The following TLL2 variants were observed in gnomAD, a reference collection of about 807,000 sequenced individuals.
TLL2 encodes tolloid like 2, also known as tolloid-like protein 2.
TLL2 carries 106 observed loss-of-function variants against 123.0 expected under a neutral mutation model. The observed-to-expected ratio is 0.86, with a 90% CI of 0.74 to 1.01. TLL2 has a LOEUF of 1.01. Among genes scored for constraint, TLL2 ranks in the 50% least tolerant of loss-of-function variants. The probability of loss-of-function intolerance (pLI) is 0.00; values close to 1 mark genes in which losing one functional copy is unlikely to be tolerated. For missense variants in TLL2, 1,332 were observed against 1,336.7 expected (o/e 1.00, Z 0.06); for synonymous variants, 494 against 516.8 (o/e 0.96, Z 0.60).
At chr10:96,411,561 G>T (rs1009844377) in intron 8 of TLL2, among the ~76,000 whole-genome samples, 1 of 152,162 alleles carries the variant, frequency 6.6e-6, no homozygotes, top group African/African-American at 2.4e-5. Context: ...ACAAATGAAG[G>T]GTACCTGTAT....
At chr10:96,489,816 G>A (rs996035571) in intron 1 of TLL2, among the ~76,000 whole-genome samples, 3 of 152,096 alleles carry the variant, frequency 2.0e-5, no homozygotes, top group Non-Finnish European at 1.5e-5. Flanking sequence ...ACATATCTCA[G>A]CCGGGTGCAG....
Position 96,422,667 on chromosome 10 carries a change from G to A in TLL2, c.699C>T (p.Asn233=), listed in dbSNP as rs1418398702. ...GAGCCACAATGCCAAACTTGTCACA[G>A]TTCTTCCCAATGGATATGGCCTGTG... ...GGPQAISIGK[N]CDKFGIVAHE... The change falls in exon 6 of 21, where the codon AAC becomes AAT. Residue 233 remains asparagine, a synonymous_variant. Coordinates refer to ENST00000357947, the MANE Select transcript of TLL2 (RefSeq NM_012465.4). 6.2e-7 allele frequency: 1 copy of A among 1,614,120 alleles called. No individual in the cohort carries two copies. Among genetic ancestry groups the A allele is most frequent in the East Asian group, 2.2e-5 (1 of 44,896 alleles).
chr10:96,416,395 CT>C (rs1332381031), intron 7 of TLL2, among the ~76,000 whole-genome samples: 1 of 151,100 alleles, frequency 6.6e-6, no homozygotes, highest in African/African-American at 2.5e-5. Flanking sequence ...GGGCACTTTC[CT>C]TGCACCAACT....
intron 3 of TLL2, among the ~76,000 whole-genome samples, chr10:96,443,651 CATAA>C (rs1488346899): frequency 6.6e-6 from 1 of 152,172 alleles, no homozygotes; most frequent in African/African-American, 2.4e-5. Context: ...CAATAAATCA[CATAA>C]ATAAGGAAGA....
At chr10:96,464,622 A>G (rs964064590) in intron 2 of TLL2, among the ~76,000 whole-genome samples, 1 of 152,184 alleles carries the variant, frequency 6.6e-6, no homozygotes, top group Non-Finnish European at 1.5e-5. Flanking sequence ...CCCTGGAGGC[A>G]GAAATGGTAT....
intron 7 of TLL2, 104 bp from the exon 8 acceptor site, chr10:96,413,420 C>A: frequency 7.0e-7 from 1 of 1,420,958 alleles, no homozygotes; most frequent in South Asian, 1.4e-5. Flanking sequence ...CATCAACATT[C>A]CTGCCCCCTG....
At chr10:96,385,947 G>T (rs1290099705) in intron 15 of TLL2, 108 bp downstream of exon 15, 1 of 1,227,914 alleles carries the variant, frequency 8.1e-7, no homozygotes, top group Non-Finnish European at 1.1e-6. Context: ...ACTGTCCAAA[G>T]CTTCAGTCAA....
chr10:96,472,424 C>T (rs1331216234), intron 2 of TLL2, among the ~76,000 whole-genome samples: 1 of 152,180 alleles, frequency 6.6e-6, no homozygotes, highest in Non-Finnish European at 1.5e-5. Flanking sequence ...TGCACAGGGG[C>T]AGAGGCTGAA....
chr10:96,461,166 A>G (rs1011482327), intron 2 of TLL2, among the ~76,000 whole-genome samples: 3 of 152,234 alleles, frequency 2.0e-5, no homozygotes, highest in East Asian at 3.8e-4. Context: ...AATCATGAAG[A>G]GTCTGGTGGA....
At chr10:96,513,178 G>A (rs1847648529) in intron 1 of TLL2, among the ~76,000 whole-genome samples, 1 of 152,178 alleles carries the variant, frequency 6.6e-6, no homozygotes, top group South Asian at 2.1e-4. Flanking sequence ...GGAGCGTCTG[G>A]CGGTGGCCAG....
At chr10:96,383,070 G>A (rs1846200388) in intron 16 of TLL2, among the ~76,000 whole-genome samples, 1 of 151,376 alleles carries the variant, frequency 6.6e-6, no homozygotes, top group African/African-American at 2.4e-5. Flanking sequence ...TGATGGTGTG[G>A]GGGAACAGTG....
At chr10:96,405,452 G>A (rs1846440758) in intron 9 of TLL2, 118 bp from the exon 10 acceptor site, 7 of 859,424 alleles carry the variant, frequency 8.1e-6, no homozygotes, top group East Asian at 2.5e-5. Flanking sequence ...TTCAGACCAC[G>A]GTAGGAGTGT....
At chr10:96,379,608 G>A (rs1227623092) in intron 16 of TLL2, among the ~76,000 whole-genome samples, 1 of 152,114 alleles carries the variant, frequency 6.6e-6, no homozygotes, top group African/African-American at 2.4e-5. Flanking sequence ...GATCACCTGA[G>A]GTTGGGAGTT....
chr10:96,493,659 G>C lies in TLL2; in HGVS notation c.176-13200C>G, dbSNP rs117509296. Among the ~76,000 whole-genome samples the C allele has an allele frequency of 2.9e-3, 436 of 152,218 alleles. 2 individuals carry two copies. The highest frequency in any genetic ancestry group is 5.4e-3 in the South Asian group (26 of 4,818). ...AGGCTGTTAGAGCACCCAGGGTGGA[G>C]AGGGTAATCAGGAGTCCCTCATTCT... On this transcript the variant is annotated intron_variant, in intron 1 of 20. Transcript: ENST00000357947.
At chr10:96,476,239 TA>T (rs71034378) in intron 2 of TLL2, among the ~76,000 whole-genome samples, 12,925 of 40,244 alleles carry the variant, frequency 0.32, 2,192 homozygotes, top group South Asian at 0.46. Context: ...TATATATATA[TA>T]TTTTATTTTT....
At position 96,368,207 on chromosome 10, in the gene TLL2, A is replaced by G; in HGVS notation, c.2929T>C (p.Tyr977His). The change falls in exon 21 of 21, where the codon TAC becomes CAC. Residue 977 changes from tyrosine to histidine, a missense_variant. Coordinates refer to ENST00000357947, the MANE Select transcript of TLL2 (RefSeq NM_012465.4). ...ATCATCAGGGAATCACCTGCAGAGT[A>G]GATTTCTTCTAATGGCTGAGGAAAG... ...FCGSGPLEEIYSAGDSLMIRF... is the reference protein window; with the variant it reads ...FCGSGPLEEIHSAGDSLMIRF... 1 of 1,614,148 alleles carries G rather than the reference A, an allele frequency of 6.2e-7. No individual in the cohort carries two copies. Among genetic ancestry groups the G allele is most frequent in the Non-Finnish European group, 8.5e-7 (1 of 1,180,030 alleles).
chr10:96,407,808 A>AGT (rs1846464986), intron 9 of TLL2, among the ~76,000 whole-genome samples: 1 of 152,242 alleles, frequency 6.6e-6, no homozygotes. Context: ...TCTGTCATTG[A>AGT]GTGTGTGTGC....
At chr10:96,496,796 C>G (rs2134112176) in intron 1 of TLL2, among the ~76,000 whole-genome samples, 1 of 152,284 alleles carries the variant, frequency 6.6e-6, no homozygotes, top group East Asian at 1.9e-4. Flanking sequence ...TTTTACAGCT[C>G]CAAATAGGTT....
chr10:96,490,695 A>G (rs1847404090), intron 1 of TLL2, among the ~76,000 whole-genome samples: 1 of 152,228 alleles, frequency 6.6e-6, no homozygotes, highest in Non-Finnish European at 1.5e-5. Flanking sequence ...ACACAAAGCT[A>G]TTGAATTCTT....
Sources: gnomAD v4.1 joint callset for allele counts (sites outside exome capture counted in the v4.1 genomes callset) on GRCh38, gnomAD v4.1.1 for gene constraint, MANE v1.5 for transcripts, NCBI Gene and HGNC (gene_info 2026-07-23, HGNC 2026-07-21) for gene names.